CNTN1: variants seen among roughly 807,000 people sequenced by gnomAD.
CNTN1 encodes the protein contactin-1.
In CNTN1, 38 loss-of-function variants were observed where a neutral mutation model predicts 126.4. The ratio of observed to expected loss-of-function variants is 0.30; its 90% CI spans 0.23 to 0.39. CNTN1 has a LOEUF of 0.39. Among genes scored for constraint, CNTN1 ranks in the 10% least tolerant of loss-of-function variants. The pLI is 1.00. For synonymous variants in CNTN1, 413 were observed against 422.6 expected, an observed-to-expected ratio of 0.98 and a Z score of 0.28; for missense variants, 1,009 against 1,248.4, an observed-to-expected ratio of 0.81 and a Z score of 2.89.
intron 1 of CNTN1, among the ~76,000 whole-genome samples, chr12:40,873,304 C>T (rs1943568179): frequency 6.6e-6 from 1 of 152,034 alleles, no homozygotes; most frequent in Admixed American, 6.6e-5. Context: ...ATTTGATTTC[C>T]TGTCATATTA....
intron 1 of CNTN1, among the ~76,000 whole-genome samples, chr12:40,757,176 C>T (rs34072610): frequency 0.02 from 3,051 of 152,034 alleles, 50 homozygotes; most frequent in Non-Finnish European, 0.029. Context: ...TATATTAATC[C>T]CATCATGGGG....
chr12:40,704,373 C>A (rs1175610701), intron 1 of CNTN1, among the ~76,000 whole-genome samples: 1 of 151,990 alleles, frequency 6.6e-6, no homozygotes, highest in Non-Finnish European at 1.5e-5. Context: ...TTAATAAGAT[C>A]TAGTAGTAAT....
intron 1 of CNTN1, among the ~76,000 whole-genome samples, chr12:40,792,702 G>A (rs1184940734): frequency 1.3e-5 from 2 of 151,942 alleles, no homozygotes; most frequent in Admixed American, 6.6e-5. Flanking sequence ...GAACTATGAG[G>A]TGTTGACTTT....
At chr12:40,988,665 A>C (rs189989271) in intron 16 of CNTN1, among the ~76,000 whole-genome samples, 3 of 152,254 alleles carry the variant, frequency 2.0e-5, no homozygotes, top group African/African-American at 7.2e-5. Context: ...TTGTAAATAG[A>C]TCTTTGAATT....
chr12:41,051,312 T>TA (rs1475445155), intron 23 of CNTN1, among the ~76,000 whole-genome samples: 1 of 148,824 alleles, frequency 6.7e-6, no homozygotes, highest in African/African-American at 2.5e-5. Flanking sequence ...CATGCCCAGA[T>TA]AATTTTTTTT....
chr12:40,747,390 C>T (rs1311201254), intron 1 of CNTN1, among the ~76,000 whole-genome samples: 1 of 150,732 alleles, frequency 6.6e-6, no homozygotes, highest in East Asian at 2.0e-4. Flanking sequence ...GCAAGCCGTG[C>T]AAAGACATGG....
intron 1 of CNTN1, among the ~76,000 whole-genome samples, chr12:40,765,238 T>C (rs1209770180): frequency 6.6e-6 from 1 of 152,124 alleles, no homozygotes; most frequent in Non-Finnish European, 1.5e-5. Context: ...GTGTGAATGA[T>C]GAGGACATTT....
At chr12:40,714,632 G>A (rs1942003716) in intron 1 of CNTN1, among the ~76,000 whole-genome samples, 1 of 151,982 alleles carries the variant, frequency 6.6e-6, no homozygotes, top group Admixed American at 6.6e-5. Context: ...AAGATGTCAG[G>A]GTTGTCAAAA....
At chr12:40,760,398 TA>T (rs921055493) in intron 1 of CNTN1, among the ~76,000 whole-genome samples, 2 of 151,494 alleles carry the variant, frequency 1.3e-5, no homozygotes, top group African/African-American at 4.8e-5. Context: ...TTTTATCCTA[TA>T]AAAAACACAC....
chr12:40,701,382 GCTTT>G (rs1449400024), intron 1 of CNTN1, among the ~76,000 whole-genome samples: 2 of 151,974 alleles, frequency 1.3e-5, no homozygotes, highest in African/African-American at 4.8e-5. Context: ...CCCTAATTTT[GCTTT>G]CTAACATCTC....
In CNTN1 at chr12:40,925,545, G is replaced by GTATA. The variant is rs1565961269; in HGVS notation, c.496+894_496+895insATAT. Among the ~76,000 whole-genome samples the GTATA allele has an allele frequency of 6.5e-5, 9 of 138,460 alleles. No homozygotes were observed. The East Asian group carries it at 1.6e-3, about 25-fold the overall frequency. 90.8% of individuals were successfully genotyped at this position (138,460 alleles called of 152,430 possible). A position where few individuals can be genotyped will look rare whatever the true frequency, so the allele number is the denominator to read the frequency against. ...CACATGAAATTGTGTGTGTGTGTGTGTGTATATATATACACGTATATATAC... is the reference window on the plus strand; with the variant it reads ...CACATGAAATTGTGTGTGTGTGTGTGTATATGTATATATATACACGTATATATAC... On this transcript the variant is annotated intron_variant, in intron 6 of 23. Coordinates refer to ENST00000551295, the MANE Select transcript of CNTN1 (RefSeq NM_001843.4).
At chr12:40,704,484 ATCTTTTT>A (rs1414689293) in intron 1 of CNTN1, among the ~76,000 whole-genome samples, 4 of 152,116 alleles carry the variant, frequency 2.6e-5, no homozygotes, top group Non-Finnish European at 1.5e-5. Flanking sequence ...TTTCATCTTC[ATCTTTTT>A]CACAGCTTCT....
intron 23 of CNTN1, among the ~76,000 whole-genome samples, chr12:41,057,629 T>C (rs1229055584): frequency 1.3e-5 from 2 of 152,070 alleles, no homozygotes; most frequent in African/African-American, 4.8e-5. Context: ...TAAATCTTAT[T>C]TGATGAATTT....
At chr12:40,819,418 T>A (rs905112796) in intron 1 of CNTN1, among the ~76,000 whole-genome samples, 3 of 152,078 alleles carry the variant, frequency 2.0e-5, no homozygotes, top group African/African-American at 4.8e-5. Context: ...CCCCACCCAC[T>A]GAGGAAGGAT....
At chr12:40,743,395 T>C (rs928586981) in intron 1 of CNTN1, among the ~76,000 whole-genome samples, 1 of 151,904 alleles carries the variant, frequency 6.6e-6, no homozygotes, top group Non-Finnish European at 1.5e-5. Flanking sequence ...GGCAGGGAGA[T>C]TGTTGGAATA....
chr12:41,018,600 G>T (rs1244042885), intron 19 of CNTN1, among the ~76,000 whole-genome samples: 1 of 150,718 alleles, frequency 6.6e-6, no homozygotes, highest in Non-Finnish European at 1.5e-5. Flanking sequence ...AAGTATATAT[G>T]TGTGTATATA....
intron 1 of CNTN1, among the ~76,000 whole-genome samples, chr12:40,879,623 T>C (rs746902852): frequency 4.0e-4 from 61 of 152,016 alleles, no homozygotes; most frequent in South Asian, 8.3e-4. Context: ...AAATAAGATA[T>C]GTGTCAGGCA....
Position 40,943,451 on chromosome 12 carries a change from G to T in CNTN1, c.1380-146G>T, listed in dbSNP as rs191193327. 38 of 641,118 alleles carry T rather than the reference G, an allele frequency of 5.9e-5. No homozygotes were observed. In the African/African-American group the frequency reaches 6.5e-4, roughly 11 times the overall value. The allele number at this position is 641,118 out of a possible 1,614,324, so 39.7% of individuals were successfully genotyped here. On this transcript the variant is annotated intron_variant, in intron 12 of 23. Transcript: ENST00000551295. ...GAAAAAATATTATAACTAAAGGCTA[G>T]AATTTGTCATCTTACAAAAATGTCT...
chr12:41,030,090 G>A (rs982102686), intron 23 of CNTN1, among the ~76,000 whole-genome samples: 54 of 151,602 alleles, frequency 3.6e-4, no homozygotes, highest in African/African-American at 1.3e-3. Flanking sequence ...AGAAAATTTG[G>A]TTAATCTGTA....
Sources: gnomAD v4.1 joint callset for allele counts (sites outside exome capture counted in the v4.1 genomes callset) on GRCh38, gnomAD v4.1.1 for gene constraint, MANE v1.5 for transcripts, NCBI Gene and HGNC (gene_info 2026-07-23, HGNC 2026-07-21) for gene names.